The following PRKACB variants were observed in gnomAD, a reference collection of about 807,000 sequenced individuals.
PRKACB encodes cAMP-dependent protein kinase catalytic subunit beta.
Under a neutral mutation model 51.4 loss-of-function variants are expected in PRKACB, and 16 were observed. The observed-to-expected ratio is 0.31, with a 90% CI of 0.21 to 0.47. The LOEUF is 0.47. Among genes scored for constraint, PRKACB ranks in the 20% least tolerant of loss-of-function variants. The pLI, the probability that PRKACB is intolerant of heterozygous loss-of-function variation, is 1.00. For missense variants in PRKACB, 309 were observed against 464.5 expected (o/e 0.67, Z 3.08); for synonymous variants, 147 against 154.4 (o/e 0.95, Z 0.35).
At chr1:84,085,472 C>G (rs769217640) in intron 1 of PRKACB, among the ~76,000 whole-genome samples, 4 of 152,126 alleles carry the variant, frequency 2.6e-5, no homozygotes, top group Non-Finnish European at 5.9e-5. Flanking sequence ...ATCTCTTCTT[C>G]CAGCTTTATA....
intron 1 of PRKACB, chr1:84,164,248 G>C: frequency 6.9e-7 from 1 of 1,439,270 alleles, no homozygotes; most frequent in Non-Finnish European, 9.2e-7. Context: ...CATGAAAAAT[G>C]AAAGCTATCA....
At chr1:84,128,972 T>C (rs1651908316) in intron 1 of PRKACB, among the ~76,000 whole-genome samples, 1 of 152,198 alleles carries the variant, frequency 6.6e-6, no homozygotes, top group Admixed American at 6.5e-5. Context: ...TACGTAACCA[T>C]GTGTCACTAG....
intron 1 of PRKACB, chr1:84,175,053 T>C: frequency 1.4e-6 from 2 of 1,463,938 alleles, no homozygotes; most frequent in Middle Eastern, 2.0e-4. Context: ...TTCAGAAATA[T>C]CTGGTAGGCA....
At chr1:84,190,119 TA>T (rs2101088131) in intron 5 of PRKACB, among the ~76,000 whole-genome samples, 1 of 151,856 alleles carries the variant, frequency 6.6e-6, no homozygotes, top group African/African-American at 2.4e-5. Context: ...TCATACAACA[TA>T]TTTTTTTCTT....
intron 1 of PRKACB, among the ~76,000 whole-genome samples, chr1:84,092,639 A>G (rs1648572435): frequency 6.6e-6 from 1 of 152,180 alleles, no homozygotes; most frequent in Admixed American, 6.5e-5. Context: ...TCTGGGTCAC[A>G]GATCATGTGG....
intron 1 of PRKACB, among the ~76,000 whole-genome samples, chr1:84,174,243 T>G (rs1179250531): frequency 6.6e-6 from 1 of 151,990 alleles, no homozygotes; most frequent in East Asian, 1.9e-4. Flanking sequence ...CATGCTCTTC[T>G]TCCATGCCAT....
At chr1:84,224,226 A>G (rs1017203360) in intron 9 of PRKACB, among the ~76,000 whole-genome samples, 1 of 152,156 alleles carries the variant, frequency 6.6e-6, no homozygotes, top group Admixed American at 6.5e-5. Flanking sequence ...CAGGCCAAGC[A>G]TACCTGCCCC....
At chr1:84,208,558 T>C (rs374242444) in intron 8 of PRKACB, among the ~76,000 whole-genome samples, 1 of 152,192 alleles carries the variant, frequency 6.6e-6, no homozygotes, top group African/African-American at 2.4e-5. Context: ...AGGAGGAACT[T>C]CCTATACTTT....
chr1:84,212,116 G>C (rs1289697532), intron 8 of PRKACB, among the ~76,000 whole-genome samples: 1 of 152,068 alleles, frequency 6.6e-6, no homozygotes, highest in African/African-American at 2.4e-5. Flanking sequence ...AAAATGTTAT[G>C]ATCTTTTACT....
At chr1:84,204,537 A>G in intron 8 of PRKACB, 1 of 1,598,810 alleles carries the variant, frequency 6.3e-7, no homozygotes, top group Non-Finnish European at 8.5e-7. Context: ...CAAGGCAGTG[A>G]TTTATTTTTG....
At chr1:84,209,455 C>T (rs1041443877) in intron 8 of PRKACB, among the ~76,000 whole-genome samples, 2 of 152,108 alleles carry the variant, frequency 1.3e-5, no homozygotes, top group Non-Finnish European at 1.5e-5. Flanking sequence ...AAGACACCTT[C>T]GAGTCCTCAC....
At chr1:84,107,257 TG>T (rs1649829380) in intron 1 of PRKACB, among the ~76,000 whole-genome samples, 1 of 152,176 alleles carries the variant, frequency 6.6e-6, no homozygotes, top group African/African-American at 2.4e-5. Context: ...GTTCAATAAA[TG>T]GTTCTGGGAT....
At chr1:84,097,706 G>T (rs1447206832) in intron 1 of PRKACB, among the ~76,000 whole-genome samples, 1 of 151,952 alleles carries the variant, frequency 6.6e-6, no homozygotes, top group African/African-American at 2.4e-5. Flanking sequence ...TAAGTCCTGG[G>T]CTGAGTCTGA....
At chr1:84,140,571 A>G (rs1653304259), upstream of PRKACB, among the ~76,000 whole-genome samples, 1 of 152,158 alleles carries the variant, frequency 6.6e-6, no homozygotes, top group Non-Finnish European at 1.5e-5. Flanking sequence ...TTAACCTTTA[A>G]ACTCTAAAGT....
At chr1:84,168,881 G>T (rs1206594978) in intron 1 of PRKACB, among the ~76,000 whole-genome samples, 4 of 151,468 alleles carry the variant, frequency 2.6e-5, no homozygotes, top group Non-Finnish European at 5.9e-5. Context: ...AATATAGAAG[G>T]CTCTTTCCTG....
intron 1 of PRKACB, among the ~76,000 whole-genome samples, chr1:84,122,966 G>A (rs1286031434): frequency 1.3e-5 from 2 of 152,100 alleles, no homozygotes; most frequent in Non-Finnish European, 2.9e-5. Flanking sequence ...TGTATGTGAA[G>A]CCTAAATGGC....
intron 9 of PRKACB, among the ~76,000 whole-genome samples, chr1:84,232,217 G>A (rs1324235569): frequency 1.1e-4 from 16 of 151,894 alleles, no homozygotes; most frequent in Non-Finnish European, 2.4e-4. Context: ...CAGTTTCCAT[G>A]TAGTTGAGCG....
intron 1 of PRKACB, among the ~76,000 whole-genome samples, chr1:84,135,577 A>G (rs991800032): frequency 2.6e-5 from 4 of 152,210 alleles, no homozygotes; most frequent in Admixed American, 6.5e-5. Context: ...CATGCAAAGT[A>G]TGTTCTTAGA....
At chr1:84,182,408 G>C in intron 3 of PRKACB, 80 bp downstream of exon 3, 1 of 1,115,672 alleles carries the variant, frequency 9.0e-7, no homozygotes, top group Non-Finnish European at 1.2e-6. Flanking sequence ...TCAGTATAAT[G>C]ACTTACCATT....
Sources: gnomAD v4.1 joint callset for allele counts (sites outside exome capture counted in the v4.1 genomes callset) on GRCh38, gnomAD v4.1.1 for gene constraint, MANE v1.5 for transcripts, NCBI Gene and HGNC (gene_info 2026-07-23, HGNC 2026-07-21) for gene names.